The following DNAAF4 variants were observed in gnomAD, a reference collection of about 807,000 sequenced individuals.
DNAAF4 encodes dynein axonemal assembly factor 4.
DNAAF4 carries 43 observed loss-of-function variants against 51.8 expected under a neutral mutation model. The observed-to-expected ratio is 0.83, with a 90% CI of 0.65 to 1.07. DNAAF4 has a LOEUF of 1.07. Ranked by LOEUF, DNAAF4 falls within the 50% of genes least tolerant of loss-of-function variation. The pLI is 0.00. For missense variants in DNAAF4, 581 were observed against 493.0 expected, an observed-to-expected ratio of 1.18 and a Z score of -1.69; for synonymous variants, 194 against 165.6, an observed-to-expected ratio of 1.17 and a Z score of -1.32.
chr15:55,498,335 T>A lies in DNAAF4; in HGVS notation c.-6A>T. The A allele has an allele frequency of 1.3e-6, 2 of 1,598,576 alleles. No homozygotes were observed. The highest frequency in any genetic ancestry group is 1.7e-6 in the Non-Finnish European group (2 of 1,171,014). ...TCGCTAACCTGAAGAGGCATTCCGG[T>A]AGCAACGGGAGCGGATAGCGCGGCT... On this transcript the variant is annotated 5_prime_UTR_variant, in exon 2 of 10. Transcript: ENST00000321149.
Position 55,498,485 on chromosome 15 carries a change from C to G in DNAAF4, c.-156G>C, listed in dbSNP as rs184940391. The stretch of plus-strand genomic sequence containing the variant: ...CTCCGGCGCCAGCACCTCGCGGACT[C>G]CATGCGTGACTATCCAGGCGCCCAG... On this transcript the variant is annotated 5_prime_UTR_variant, in exon 2 of 10. Transcript: ENST00000321149. 1.2e-5 allele frequency: 13 copies of G among 1,085,518 alleles called. No individual in the cohort carries two copies. In the African/African-American group the frequency reaches 1.6e-4, roughly 14 times the overall value. The allele number at this position is 1,085,518 out of a possible 1,614,324, so 67.2% of individuals were successfully genotyped here.
At chr15:55,453,533 G>GAAA (rs1319160263) in intron 5 of DNAAF4, among the ~76,000 whole-genome samples, 1 of 127,442 alleles carries the variant, frequency 7.8e-6, no homozygotes, top group Admixed American at 8.0e-5. Flanking sequence ...AGAGAGGTGT[G>GAAA]AAAAAAAAAC....
chr15:55,456,409 A>ATT (rs1175493541), intron 5 of DNAAF4, among the ~76,000 whole-genome samples: 1 of 152,166 alleles, frequency 6.6e-6, no homozygotes, highest in Non-Finnish European at 1.5e-5. Flanking sequence ...AAAGTTTAAT[A>ATT]TTCTAAAATT....
At chr15:55,461,590 C>T (rs4294762) in intron 5 of DNAAF4, among the ~76,000 whole-genome samples, 20,599 of 151,922 alleles carry the variant, frequency 0.14, 1,950 homozygotes, top group African/African-American at 0.27. Flanking sequence ...TTGAACTGAA[C>T]GATAATAGTG....
chr15:55,432,856 G>A (rs147374285), intron 8 of DNAAF4, among the ~76,000 whole-genome samples: 14 of 151,834 alleles, frequency 9.2e-5, no homozygotes, highest in East Asian at 7.8e-4. Flanking sequence ...AGGCTGAGGC[G>A]GGAGAATTGC....
At chr15:55,487,479 A>G (rs2141576029) in intron 4 of DNAAF4, among the ~76,000 whole-genome samples, 1 of 152,316 alleles carries the variant, frequency 6.6e-6, no homozygotes, top group East Asian at 1.9e-4. Context: ...CACCCCAGCC[A>G]GCAGCGGCAA....
intron 9 of DNAAF4, among the ~76,000 whole-genome samples, chr15:55,431,380 AC>A (rs2057491194): frequency 6.6e-6 from 1 of 151,900 alleles, no homozygotes; most frequent in Non-Finnish European, 1.5e-5. Flanking sequence ...ACACACACAC[AC>A]ACACACACAA....
chr15:55,488,685 G>T (rs1041222923), intron 4 of DNAAF4, among the ~76,000 whole-genome samples: 1 of 152,164 alleles, frequency 6.6e-6, no homozygotes, highest in Non-Finnish European at 1.5e-5. Context: ...CAGGATACTG[G>T]CTTTTGTAGG....
chr15:55,464,805 A>G (rs1374483244), intron 5 of DNAAF4, among the ~76,000 whole-genome samples: 1 of 152,120 alleles, frequency 6.6e-6, no homozygotes, highest in Non-Finnish European at 1.5e-5. Flanking sequence ...CCATCTCTAA[A>G]TTAGCCAGGC....
Position 55,430,768 on chromosome 15 carries a change from A to C in DNAAF4, c.1165T>G (p.Tyr389Asp). Residue 389 changes from tyrosine to aspartate, a missense_variant, in exon 10 of 10, where the codon TAT becomes GAT. Physicochemically the swap from Tyr to Asp is radical, Grantham distance 160 (BLOSUM62 -3). Coordinates refer to ENST00000321149, the MANE Select transcript of DNAAF4 (RefSeq NM_130810.4). ...GGATCAATCTTAAGTGCCGCTTCAT[A>C]ATCCTGTAGGCCTGTGTTTATATAG... Reference protein sequence around the residue: ...LELYVEGLQDYEAALKIDPSN... With the variant: ...LELYVEGLQDDEAALKIDPSN... The C allele has an allele frequency of 6.2e-7, 1 of 1,612,718 alleles. No homozygotes were observed. The highest frequency in any genetic ancestry group is 2.2e-5 in the East Asian group (1 of 44,742).
chr15:55,493,135 G>A (rs74822126), intron 3 of DNAAF4, among the ~76,000 whole-genome samples: 2,084 of 152,220 alleles, frequency 0.014, 35 homozygotes, highest in African/African-American at 0.04. Flanking sequence ...GACACAGTAC[G>A]GTGCCATCTA....
At chr15:55,459,006 T>C (rs1394271149) in intron 5 of DNAAF4, among the ~76,000 whole-genome samples, 1 of 150,108 alleles carries the variant, frequency 6.7e-6, no homozygotes, top group African/African-American at 2.5e-5. Context: ...AACCCGGGAG[T>C]TGGAGGTTGC....
downstream of DNAAF4, among the ~76,000 whole-genome samples, chr15:55,429,205 G>C (rs1360202092): frequency 1.3e-5 from 2 of 151,108 alleles, no homozygotes; most frequent in Non-Finnish European, 2.9e-5. Context: ...CTGGGTTACA[G>C]AGCCAGACTA....
At chr15:55,463,425 G>A (rs2058123668) in intron 5 of DNAAF4, among the ~76,000 whole-genome samples, 1 of 152,116 alleles carries the variant, frequency 6.6e-6, no homozygotes, top group African/African-American at 2.4e-5. Flanking sequence ...AGTACTGGAA[G>A]TCCTAGCCAG....
rs376970449 is a variant in DNAAF4 at position 55,507,058 on chromosome 15, C to A, written c.-256+1064G>T. ...TAGAGGTGGGGTTTCACCATGTTGG[C>A]CAGGCTGGTCTCGAACTTCTGACCT... On this transcript the variant is annotated intron_variant, in intron 1 of 9. Transcript: ENST00000321149. Among the ~76,000 whole-genome samples the A allele has an allele frequency of 1.9e-4, 29 of 152,144 alleles. 1 individual carries two copies. Among genetic ancestry groups the A allele is most frequent in the African/African-American group, 7.0e-4 (29 of 41,502 alleles).
At chr15:55,446,582 G>A (rs1294816714) in intron 6 of DNAAF4, among the ~76,000 whole-genome samples, 1 of 142,502 alleles carries the variant, frequency 7.0e-6, no homozygotes, top group African/African-American at 2.7e-5. Flanking sequence ...GGGCAGCCAG[G>A]CAGAGGCGCT....
chr15:55,506,393 GT>G (rs2058727380), intron 1 of DNAAF4, among the ~76,000 whole-genome samples: 1 of 152,128 alleles, frequency 6.6e-6, no homozygotes, highest in Non-Finnish European at 1.5e-5. Flanking sequence ...CTACAACAGG[GT>G]TTTTCAGCCT....
At chr15:55,451,900 T>G (rs2057938335) in intron 5 of DNAAF4, among the ~76,000 whole-genome samples, 2 of 151,928 alleles carry the variant, frequency 1.3e-5, no homozygotes, top group South Asian at 4.2e-4. Context: ...AGATTACAGG[T>G]GTAAGCCACC....
chr15:55,476,752 T>C (rs73408901), intron 4 of DNAAF4, among the ~76,000 whole-genome samples: 1 of 151,338 alleles, frequency 6.6e-6, no homozygotes, highest in African/African-American at 2.4e-5. Context: ...AAATAAGTCA[T>C]TTTTTTTTAC....
Sources: gnomAD v4.1 joint callset for allele counts (sites outside exome capture counted in the v4.1 genomes callset) on GRCh38, gnomAD v4.1.1 for gene constraint, MANE v1.5 for transcripts, NCBI Gene and HGNC (gene_info 2026-07-23, HGNC 2026-07-21) for gene names.